Variants in AKAP8 observed in about 807,000 individuals in gnomAD.
The protein encoded by AKAP8 is A-kinase anchor protein 8.
AKAP8 carries 24 observed loss-of-function variants against 67.5 expected under a neutral mutation model. The ratio of observed to expected loss-of-function variants is 0.36; its 90% CI spans 0.26 to 0.50. The LOEUF (loss-of-function observed/expected upper bound fraction) is 0.50. Among genes scored for constraint, AKAP8 ranks in the 20% least tolerant of loss-of-function variants. The pLI, the probability that AKAP8 is intolerant of heterozygous loss-of-function variation, is 0.97. For missense variants in AKAP8, 971 were observed against 955.9 expected (o/e 1.02, Z -0.21); for synonymous variants, 400 against 371.1 (o/e 1.08, Z -0.90).
intron 3 of AKAP8, among the ~76,000 whole-genome samples, chr19:15,374,331 C>G (rs559266717): frequency 6.3e-4 from 96 of 152,302 alleles, no homozygotes; most frequent in African/African-American, 2.2e-3. Flanking sequence ...TGACTGAGAG[C>G]CTGGGAACAG....
At position 15,370,929 on chromosome 19, in the gene AKAP8, CT is replaced by C. The variant is rs572963506; in HGVS notation, c.1039-751del. Among the ~76,000 whole-genome samples, 29 of 152,244 alleles carry C rather than the reference CT, an allele frequency of 1.9e-4. 1 individual carries two copies. The East Asian group carries it at 5.4e-3, about 28-fold the overall frequency. The stretch of plus-strand genomic sequence containing the variant: ...ACAGGTGTGAGCCACCGCGCCAGGC[CT>C]ATATTTACCCGATGTCTTAATAACA... On this transcript the variant is annotated intron_variant, in intron 7 of 13. Transcript: ENST00000269701.
At position 15,362,198 on chromosome 19, in the gene AKAP8, ATCTCTTCG is replaced by A. The variant is rs1966978060; in HGVS notation, c.1206_1213del (p.Glu403ProfsTer37). ...AAATTTGCTTTGCAGATGCTTCTGG[ATCTCTTCG>A]TCATCAAAGCTACGGAACTTGCATA... On this transcript the variant is annotated frameshift_variant, in exon 10 of 14. Coordinates refer to ENST00000269701, the MANE Select transcript of AKAP8 (RefSeq NM_005858.4). LOFTEE classifies it high-confidence loss of function. 1 of 1,613,934 alleles carries A rather than the reference ATCTCTTCG, an allele frequency of 6.2e-7. No homozygotes were observed. The highest frequency in any genetic ancestry group is 8.5e-7 in the Non-Finnish European group (1 of 1,180,008).
Position 15,360,973 on chromosome 19 carries a change from C to A in AKAP8, c.1402G>T (p.Gly468Cys). The A allele has an allele frequency of 6.2e-7, 1 of 1,612,564 alleles. No individual in the cohort carries two copies. Among genetic ancestry groups the A allele is most frequent in the Non-Finnish European group, 8.5e-7 (1 of 1,179,522 alleles). Residue 468 changes from glycine (G) to cysteine (C), a missense_variant, in exon 12 of 14, where the codon GGC (glycine) becomes TGC (cysteine). Transcript: ENST00000269701. ...ATCTTCTTGAAGAAGTGCTCCTGGC[C>A]AATCCCTGCCAGGAAACGCATGTCT... ...KPKPDPFKGIGQEHFFKKIEA... is the reference protein window; with the variant it reads ...KPKPDPFKGICQEHFFKKIEA...
intron 8 of AKAP8, 22 bp from the exon 9 acceptor site, chr19:15,368,344 G>C (rs201035925): frequency 9.6e-5 from 155 of 1,612,890 alleles, no homozygotes; most frequent in Non-Finnish European, 1.7e-6. Context: ...AAGTCCCTTC[G>C]AGACGCTCTG....
Position 15,372,247 on chromosome 19 carries a change from A to C in AKAP8, c.962T>G (p.Val321Gly). The C allele has an allele frequency of 1.7e-5, 28 of 1,614,102 alleles. No individual in the cohort carries two copies. The highest frequency in any genetic ancestry group is 2.4e-5 in the Non-Finnish European group (28 of 1,180,028). The part of the protein sequence containing the change: ...YEEPDTKLAR[V>G]DSEGDFSEND... ...TTCGGAGAAATCTCCTTCACTGTCA[A>C]CCCGGGCCAGTTTGGTGTCTGGCTC... The change falls in exon 6 of 14, where the codon GTT becomes GGT. Residue 321 changes from valine to glycine, a missense_variant. Physicochemically the swap from Val to Gly is moderately radical, Grantham distance 109. Coordinates refer to ENST00000269701, the MANE Select transcript of AKAP8 (RefSeq NM_005858.4).
At chr19:15,358,940 C>T (rs763393755) in intron 13 of AKAP8, 27 bp downstream of exon 13, 8 of 1,603,592 alleles carry the variant, frequency 5.0e-6, no homozygotes, top group Non-Finnish European at 6.8e-6. Context: ...AAAGCTTTTC[C>T]TGTCTGTGGT....
intron 10 of AKAP8, 94 bp from the exon 11 acceptor site, chr19:15,361,916 C>T (rs887999810): frequency 8.0e-6 from 11 of 1,377,706 alleles, no homozygotes; most frequent in Non-Finnish European, 9.2e-6. Context: ...GCTATCAGAG[C>T]AGCTGCGTGG....
chr19:15,363,929 T>C (rs959352528), intron 9 of AKAP8, among the ~76,000 whole-genome samples: 3 of 151,704 alleles, frequency 2.0e-5, no homozygotes, highest in African/African-American at 7.3e-5. Flanking sequence ...CGGTGCAAGA[T>C]GTGCTTTGTT....
chr19:15,353,939 TATA>T lies in AKAP8; in HGVS notation c.*973_*975del, dbSNP rs2145054204. 1 of 151,834 alleles carries T rather than the reference TATA, an allele frequency of 6.6e-6. No individual in the cohort carries two copies. Among genetic ancestry groups the T allele is most frequent in the African/African-American group, 2.4e-5 (1 of 41,492 alleles). 9.4% of individuals were successfully genotyped at this position (151,834 alleles called of 1,614,324 possible). A position where few individuals can be genotyped will look rare whatever the true frequency, so the allele number is the denominator to read the frequency against. ...ACATATATTTCATTTTATATATATA[TATA>T]TATATTACAGATACCTTCTATCTAT... On this transcript the variant is annotated 3_prime_UTR_variant, in exon 14 of 14. Coordinates refer to ENST00000269701, the MANE Select transcript of AKAP8 (RefSeq NM_005858.4).
intron 1 of AKAP8, chr19:15,379,386 G>A (rs1336291193): frequency 2.9e-6 from 1 of 342,032 alleles, no homozygotes; most frequent in Non-Finnish European, 5.3e-6. Flanking sequence ...GGGTCGCTGG[G>A]GGCCGGAAGG....
chr19:15,366,479 CTCT>C (rs1599563940), intron 9 of AKAP8, among the ~76,000 whole-genome samples: 1 of 151,162 alleles, frequency 6.6e-6, no homozygotes, highest in Admixed American at 6.6e-5. Flanking sequence ...AAGCATTTCT[CTCT>C]TTTTTTTTTG....
At chr19:15,370,625 C>T (rs201981704) in intron 7 of AKAP8, among the ~76,000 whole-genome samples, 11 of 80,954 alleles carry the variant, frequency 1.4e-4, no homozygotes, top group African/African-American at 2.0e-4. Context: ...TACCCAATGT[C>T]TTTTTTTTTT....
chr19:15,358,142 G>C (rs1599555702), intron 13 of AKAP8, among the ~76,000 whole-genome samples: 1 of 152,146 alleles, frequency 6.6e-6, no homozygotes, highest in East Asian at 1.9e-4. Flanking sequence ...GTCCTGGGAT[G>C]AACACTGAGC....
intron 9 of AKAP8, among the ~76,000 whole-genome samples, chr19:15,366,982 A>C (rs1352270152): frequency 6.6e-6 from 1 of 151,988 alleles, no homozygotes; most frequent in African/African-American, 2.4e-5. Context: ...ACCTTGGCTC[A>C]CTACAAAGTC....
At chr19:15,378,147 G>C (rs995955658) in intron 1 of AKAP8, among the ~76,000 whole-genome samples, 1 of 152,220 alleles carries the variant, frequency 6.6e-6, no homozygotes, top group African/African-American at 2.4e-5. Context: ...AAGGGAGCTA[G>C]GCTCATGGGT....
rs1039878118 is a variant in AKAP8, at chr19:15,354,713, T to C, written c.*202A>G. ...GCCGCTAAGGACAATGTACTTCAGC[T>C]TTGAAACCTGGGCAAGAAGCCACAC... On this transcript the variant is annotated 3_prime_UTR_variant, in exon 14 of 14. Coordinates refer to ENST00000269701, the MANE Select transcript of AKAP8 (RefSeq NM_005858.4). 6 of 615,420 alleles carry C rather than the reference T, an allele frequency of 9.7e-6. No individual in the cohort carries two copies. In the African/African-American group the frequency reaches 1.1e-4, roughly 11 times the overall value. The allele number at this position is 615,420 out of a possible 1,614,324, so 38.1% of individuals were successfully genotyped here.
In AKAP8 at chr19:15,373,568, TC is replaced by T. The variant is rs1451301534; in HGVS notation, c.371+217del. 8 of 901,376 alleles carry T rather than the reference TC, an allele frequency of 8.9e-6. No homozygotes were observed. In the African/African-American group the frequency reaches 1.2e-4, roughly 13 times the overall value. 55.8% of individuals were successfully genotyped at this position (901,376 alleles called of 1,614,324 possible). A position where few individuals can be genotyped will look rare whatever the true frequency, so the allele number is the denominator to read the frequency against. On this transcript the variant is annotated intron_variant, in intron 4 of 13. Coordinates refer to ENST00000269701, the MANE Select transcript of AKAP8 (RefSeq NM_005858.4). The stretch of plus-strand genomic sequence containing the variant: ...TAGCATGATGTAGAAAAAAGGAGTC[TC>T]GGGGAGCTTAGCCAACAACCACGCC...
chr19:15,366,179 T>TAA lies in AKAP8; in HGVS notation c.1160+2054_1160+2055dup, dbSNP rs34625168. ...GAAAAAAAAAAAAAGCAAAAAGTAG[T>TAA]AAAAAAAAAATGTCATCTCTATACC... On this transcript the variant is annotated intron_variant, in intron 9 of 13. Coordinates refer to ENST00000269701, the MANE Select transcript of AKAP8 (RefSeq NM_005858.4). Among the ~76,000 whole-genome samples, 702 of 126,806 alleles carry TAA rather than the reference T, an allele frequency of 5.5e-3. 3 individuals carry two copies. The highest frequency in any genetic ancestry group is 0.017 in the East Asian group (75 of 4,384). The allele number at this position is 126,806 out of a possible 152,430, so 83.2% of individuals were successfully genotyped here.
rs140098475 is a variant in AKAP8, at chr19:15,378,631, A to G, written c.19+1082T>C. Among the ~76,000 whole-genome samples, 581 of 152,310 alleles carry G rather than the reference A, an allele frequency of 3.8e-3. 2 individuals carry two copies. The highest frequency in any genetic ancestry group is 6.5e-3 in the Non-Finnish European group (442 of 68,012). ...CGCGCACGCTGCCGCCTCAGGACCG[A>G]AACCTCTCTCTGCAATTTCTGGTGC... On this transcript the variant is annotated intron_variant, in intron 1 of 13. Coordinates refer to ENST00000269701, the MANE Select transcript of AKAP8 (RefSeq NM_005858.4).
Sources: allele counts gnomAD v4.1 joint callset (sites outside exome capture counted in the v4.1 genomes callset), GRCh38; gene constraint gnomAD v4.1.1; transcripts MANE v1.5; gene names NCBI Gene and HGNC (gene_info 2026-07-23, HGNC 2026-07-21).